Variants in SPSB4 observed in about 807,000 individuals in gnomAD.
SPSB4 encodes the protein SPRY domain-containing SOCS box protein 4.
SPSB4 carries 21 observed loss-of-function variants against 20.9 expected under a neutral mutation model. The ratio of observed to expected loss-of-function variants is 1.01; its 90% CI spans 0.71 to 1.45. SPSB4 has a LOEUF of 1.45. Among genes scored for constraint, SPSB4 ranks in the 40% most tolerant of loss-of-function variants. The probability of loss-of-function intolerance (pLI) is 0.00; values close to 1 mark genes in which losing one functional copy is unlikely to be tolerated. For missense variants in SPSB4, 399 were observed against 399.2 expected, an observed-to-expected ratio of 1.00 and a Z score of 0.00; for synonymous variants, 207 against 183.8, an observed-to-expected ratio of 1.13 and a Z score of -1.02.
chr3:141,101,282 G>A (rs1423514169), intron 2 of SPSB4, among the ~76,000 whole-genome samples: 5 of 152,210 alleles, frequency 3.3e-5, no homozygotes, highest in South Asian at 4.1e-4. Context: ...GAGGGCCCAC[G>A]CTTTGCACCT....
At position 141,106,153 on chromosome 3, in the gene SPSB4, G is replaced by A. The variant is rs548105084; in HGVS notation, c.694+39355G>A. Among the ~76,000 whole-genome samples the A allele has an allele frequency of 5.1e-4, 78 of 152,256 alleles. 3 individuals carry two copies. The South Asian group carries it at 0.016, about 31-fold the overall frequency. On this transcript the variant is annotated intron_variant, in intron 2 of 2. Transcript: ENST00000310546. ...CTAGGTGGCAGATCCTTTTTTTGCA[G>A]CTCCTGTGTGGGCTGGTGTCCCTGG...
intron 2 of SPSB4, among the ~76,000 whole-genome samples, chr3:141,106,830 G>T (rs73871723): frequency 0.011 from 1,633 of 152,200 alleles, 36 homozygotes; most frequent in African/African-American, 0.037. Context: ...GAAATAACAG[G>T]ATCTAAGCAG....
intron 2 of SPSB4, among the ~76,000 whole-genome samples, chr3:141,141,359 C>A (rs905630033): frequency 1.3e-5 from 2 of 152,170 alleles, no homozygotes; most frequent in Non-Finnish European, 2.9e-5. Flanking sequence ...GTCCGGCACT[C>A]CCCTGTGAGA....
chr3:141,083,106 C>T (rs1022372865), intron 2 of SPSB4, among the ~76,000 whole-genome samples: 10 of 152,146 alleles, frequency 6.6e-5, no homozygotes, highest in Admixed American at 1.3e-4. Context: ...TTGGCCTCAA[C>T]GTGGTGATCT....
In SPSB4 at chr3:141,066,341, C is replaced by G. The variant is rs746725302; in HGVS notation, c.237C>G (p.Pro79=). 7 of 1,563,936 alleles carry G rather than the reference C, an allele frequency of 4.5e-6. No individual in the cohort carries two copies. Among genetic ancestry groups the G allele is most frequent in the Non-Finnish European group, 6.1e-6 (7 of 1,156,428 alleles). The change falls in exon 2 of 3, where the codon CCC becomes CCG. Residue 79 remains proline, a synonymous_variant. Transcript: ENST00000310546. ...DDDRLTFHRH[P]VAQSTDGIRG... ...ACCGGCTCACCTTCCACCGGCACCC[C>G]GTGGCCCAGAGCACCGACGGCATCC...
chr3:141,125,929 C>G (rs1939043077), intron 2 of SPSB4, among the ~76,000 whole-genome samples: 1 of 152,156 alleles, frequency 6.6e-6, no homozygotes, highest in Non-Finnish European at 1.5e-5. Flanking sequence ...CATATTGGAT[C>G]CTAGCCTTTC....
intron 2 of SPSB4, among the ~76,000 whole-genome samples, chr3:141,108,215 G>C (rs1938731031): frequency 1.3e-5 from 2 of 151,946 alleles, no homozygotes; most frequent in African/African-American, 4.8e-5. Context: ...GTTACCACAG[G>C]GTTCCCAAGC....
intron 2 of SPSB4, among the ~76,000 whole-genome samples, chr3:141,143,925 AT>A (rs1371482731): frequency 6.6e-6 from 1 of 152,256 alleles, no homozygotes; most frequent in Non-Finnish European, 1.5e-5. Context: ...TAATATATAA[AT>A]GTAAGTAGAC....
chr3:141,127,518 T>C (rs1484295972), intron 2 of SPSB4, among the ~76,000 whole-genome samples: 1 of 152,206 alleles, frequency 6.6e-6, no homozygotes, highest in African/African-American at 2.4e-5. Context: ...GCAAGGCTCC[T>C]CTAACATTTA....
At position 141,066,610 on chromosome 3, in the gene SPSB4, A is replaced by AGTC. The variant is rs1937887170; in HGVS notation, c.507_508insTCG (p.Glu169_Ala170insSer). 6.3e-7 allele frequency: 1 copy of AGTC among 1,596,724 alleles called. No homozygotes were observed. The highest frequency in any genetic ancestry group is 2.2e-5 in the East Asian group (1 of 44,496). On this transcript the variant is annotated inframe_insertion, in exon 2 of 3. Transcript: ENST00000310546. ...TACCCGGCCTTTCTGGGGCCCGACG[A>AGTC]GGCCTTTGCGCTGCCCGACTCGCTG...
chr3:141,098,073 C>A (rs914784574), intron 2 of SPSB4, among the ~76,000 whole-genome samples: 20 of 152,202 alleles, frequency 1.3e-4, no homozygotes, highest in Non-Finnish European at 2.1e-4. Flanking sequence ...TTCACCAAAC[C>A]ATTTTTTTAC....
intron 2 of SPSB4, among the ~76,000 whole-genome samples, chr3:141,113,300 G>A (rs1938832417): frequency 6.6e-6 from 1 of 152,162 alleles, no homozygotes; most frequent in Non-Finnish European, 1.5e-5. Flanking sequence ...TACAGAAGAG[G>A]AATGAAAACA....
At chr3:141,074,316 G>A (rs1938061596) in intron 2 of SPSB4, among the ~76,000 whole-genome samples, 1 of 152,182 alleles carries the variant, frequency 6.6e-6, no homozygotes, top group Non-Finnish European at 1.5e-5. Flanking sequence ...GACTGATCTA[G>A]TGCCTAGAAC....
chr3:141,074,506 A>G (rs1329008749), intron 2 of SPSB4, among the ~76,000 whole-genome samples: 2 of 152,074 alleles, frequency 1.3e-5, no homozygotes, highest in Non-Finnish European at 2.9e-5. Context: ...ATGGTCTTGG[A>G]CTCGTTTCTC....
At chr3:141,087,472 G>C (rs1938366999) in intron 2 of SPSB4, among the ~76,000 whole-genome samples, 1 of 152,346 alleles carries the variant, frequency 6.6e-6, no homozygotes, top group Admixed American at 6.5e-5. Flanking sequence ...GAGGGTCCCA[G>C]TATGGGGTAA....
chr3:141,083,831 C>G (rs1322197181), intron 2 of SPSB4, among the ~76,000 whole-genome samples: 1 of 152,088 alleles, frequency 6.6e-6, no homozygotes. Flanking sequence ...TCTTAGTGAG[C>G]AATCCTCACA....
chr3:141,136,819 G>A lies in SPSB4; in HGVS notation c.695-10323G>A, dbSNP rs186668482. On this transcript the variant is annotated intron_variant, in intron 2 of 2. Coordinates refer to ENST00000310546, the MANE Select transcript of SPSB4 (RefSeq NM_080862.3). ...GTTGGCTTAGGATTGACTTGGCGATGTGGGCTCTTTTTTGGTTCCATATGA... is the reference window on the plus strand; with the variant it reads ...GTTGGCTTAGGATTGACTTGGCGATATGGGCTCTTTTTTGGTTCCATATGA... 2.0e-4 allele frequency among the ~76,000 whole-genome samples: 31 copies of A among 152,280 alleles called. 1 individual carries two copies. In the East Asian group the frequency reaches 5.0e-3, roughly 25 times the overall value.
At chr3:141,087,619 C>T (rs1326768549) in intron 2 of SPSB4, among the ~76,000 whole-genome samples, 1 of 152,188 alleles carries the variant, frequency 6.6e-6, no homozygotes, top group Non-Finnish European at 1.5e-5. Context: ...ACCCATTTTC[C>T]AGATGAGCAA....
chr3:141,101,181 G>T (rs1165610165), intron 2 of SPSB4, among the ~76,000 whole-genome samples: 1 of 152,156 alleles, frequency 6.6e-6, no homozygotes, highest in Non-Finnish European at 1.5e-5. Flanking sequence ...GGTGGGTGGA[G>T]CTTAGAGCCC....
Sources: gnomAD v4.1 joint callset for allele counts (sites outside exome capture counted in the v4.1 genomes callset) on GRCh38, gnomAD v4.1.1 for gene constraint, MANE v1.5 for transcripts, NCBI Gene and HGNC (gene_info 2026-07-23, HGNC 2026-07-21) for gene names.